The following PCDHGB2 variants were observed in gnomAD, a reference collection of about 807,000 sequenced individuals.
PCDHGB2 encodes protocadherin gamma-B2.
In PCDHGB2, 55 loss-of-function variants were observed where a neutral mutation model predicts 59.3. The ratio of observed to expected loss-of-function variants is 0.93; its 90% confidence interval spans 0.75 to 1.16. The LOEUF is 1.16. Among genes scored for constraint, PCDHGB2 ranks in the 50% most tolerant of loss-of-function variants. The pLI, the probability that PCDHGB2 is intolerant of heterozygous loss-of-function variation, is 0.00. For missense variants in PCDHGB2, 1,228 were observed against 1,198.5 expected (o/e 1.02, Z -0.36); for synonymous variants, 516 against 512.0 (o/e 1.01, Z -0.11).
intron 1 of PCDHGB2, among the ~76,000 whole-genome samples, chr5:141,425,605 A>G (rs1229246680): frequency 6.6e-6 from 1 of 152,230 alleles, no homozygotes; most frequent in Non-Finnish European, 1.5e-5. Context: ...TGCCCTATAT[A>G]GCTTTCAGTG....
intron 1 of PCDHGB2, chr5:141,402,997 G>C: frequency 3.7e-6 from 6 of 1,613,928 alleles, no homozygotes; most frequent in Non-Finnish European, 5.1e-6. Context: ...GATTAGTCCT[G>C]CTATGCTCGC....
rs371823901 is a variant in PCDHGB2 at position 141,384,767 on chromosome 5, C to T, written c.2421+22211C>T. 6.8e-6 allele frequency: 11 copies of T among 1,613,806 alleles called. No individual in the cohort carries two copies. The African/African-American group carries it at 9.3e-5, about 14-fold the overall frequency. The stretch of plus-strand genomic sequence containing the variant: ...GGACTCTTTGCGGTTGGGCTGTACA[C>T]GGGCGAGGTGCGCACGGCTCGGGCC... On this transcript the variant is annotated intron_variant, in intron 1 of 3. Coordinates refer to ENST00000522605, the MANE Select transcript of PCDHGB2 (RefSeq NM_018923.3).
intron 1 of PCDHGB2, chr5:141,399,936 C>A (rs1370105984): frequency 6.2e-7 from 1 of 1,612,268 alleles, no homozygotes; most frequent in African/African-American, 1.3e-5. Flanking sequence ...TGTCCTACCA[C>A]GTGCTGCAGG....
chr5:141,404,300 C>T (rs749132060), intron 1 of PCDHGB2: 3 of 1,613,862 alleles, frequency 1.9e-6, no homozygotes, highest in South Asian at 2.2e-5. Flanking sequence ...TGATAATCCA[C>T]CTGCTTTCTC....
At chr5:141,384,694 G>A (rs772190655) in intron 1 of PCDHGB2, 1 of 1,614,084 alleles carries the variant, frequency 6.2e-7, no homozygotes, top group Non-Finnish European at 8.5e-7. Context: ...CAAAGATTCA[G>A]GCCAGAACGC....
chr5:141,376,302 T>G, intron 1 of PCDHGB2: 2 of 1,614,166 alleles, frequency 1.2e-6, no homozygotes, highest in Non-Finnish European at 1.7e-6. Context: ...GGCTCGCACT[T>G]TGTGGGCGTG....
chr5:141,365,093 A>G (rs528661266), intron 1 of PCDHGB2: 1 of 1,613,880 alleles, frequency 6.2e-7, no homozygotes, highest in African/African-American at 1.3e-5. Context: ...TCCAGAGAAC[A>G]TACCTGTGGG....
intron 1 of PCDHGB2, among the ~76,000 whole-genome samples, chr5:141,455,253 C>T (rs187877877): frequency 6.6e-6 from 1 of 151,986 alleles, no homozygotes; most frequent in East Asian, 1.9e-4. Flanking sequence ...ATAGTACAAT[C>T]GCATTTCTTC....
At chr5:141,374,887 C>T (rs1248527882) in intron 1 of PCDHGB2, 1 of 1,613,670 alleles carries the variant, frequency 6.2e-7, no homozygotes. Flanking sequence ...CTGCCACCGA[C>T]CAGGATGAAG....
Position 141,375,767 on chromosome 5 carries a change from A to T in PCDHGB2, c.2421+13211A>T, listed in dbSNP as rs190439419. ...GGACCAGAATGACAATGCGCCCGAGATCCTGTACCCCGCCCTCCCCACAGA... is the reference window on the plus strand; with the variant it reads ...GGACCAGAATGACAATGCGCCCGAGTTCCTGTACCCCGCCCTCCCCACAGA... On this transcript the variant is annotated intron_variant, in intron 1 of 3. Transcript: ENST00000522605. 3.1e-4 allele frequency: 496 copies of T among 1,614,182 alleles called. 1 individual carries two copies. The highest frequency in any genetic ancestry group is 3.8e-4 in the Non-Finnish European group (444 of 1,180,008).
Position 141,361,939 on chromosome 5 carries a change from G to A in PCDHGB2, c.1804G>A (p.Ala602Thr). The A allele has an allele frequency of 1.2e-6, 2 of 1,605,654 alleles. No individual in the cohort carries two copies. The highest frequency in any genetic ancestry group is 2.7e-5 in the African/African-American group (2 of 74,896). The change falls in exon 1 of 4, where the codon GCT becomes ACT. Residue 602 changes from alanine (A) to threonine (T), a missense_variant. Around this residue, in one of 3 missense-constraint regions of PCDHGB2, gnomAD observed 433 missense variants for 441.8 expected, o/e 0.98. Coordinates refer to ENST00000522605, the MANE Select transcript of PCDHGB2 (RefSeq NM_018923.3). ...VAVDADSGHNAWLSYHVLQAS... is the reference protein window; with the variant it reads ...VAVDADSGHNTWLSYHVLQAS... ...GGTGGACGCAGACTCAGGACACAAC[G>A]CTTGGCTGTCCTACCACGTGCTGCA...
chr5:141,453,931 G>T (rs61228273), intron 1 of PCDHGB2, among the ~76,000 whole-genome samples: 2 of 152,306 alleles, frequency 1.3e-5, no homozygotes, highest in African/African-American at 4.8e-5. Flanking sequence ...GTCACTGTGT[G>T]CCTATAATTT....
Position 141,476,512 on chromosome 5 carries a change from T to C in PCDHGB2, c.2422-18295T>C, listed in dbSNP as rs1171240377. ...TGATCCAGGACATCAACGACAACAA[T>C]CCTGCTTTCCCTACCCAGGAAATGA... On this transcript the variant is annotated intron_variant, in intron 1 of 3. Transcript: ENST00000522605. This position sits in a 1 kb window ranked among gnomAD's most constrained non-coding sequence, Gnocchi z 7.6. The C allele has an allele frequency of 6.2e-7, 1 of 1,613,642 alleles. No homozygotes were observed. Among genetic ancestry groups the C allele is most frequent in the Non-Finnish European group, 8.5e-7 (1 of 1,179,940 alleles).
chr5:141,489,447 G>A lies in PCDHGB2; in HGVS notation c.2422-5360G>A. The A allele has an allele frequency of 5.6e-6, 9 of 1,614,134 alleles. No homozygotes were observed. The highest frequency in any genetic ancestry group is 7.6e-6 in the Non-Finnish European group (9 of 1,180,028). ...GCCGGCGGCTGCAATTGGGCTCTGA[G>A]GAGAATGGGCGCTATTTTTCCCTGA... On this transcript the variant is annotated intron_variant, in intron 1 of 3. Coordinates refer to ENST00000522605, the MANE Select transcript of PCDHGB2 (RefSeq NM_018923.3). This position sits in a 1 kb window ranked among gnomAD's most constrained non-coding sequence, Gnocchi z 4.5.
In PCDHGB2 at chr5:141,360,107, A is replaced by G. The variant is rs768068572; in HGVS notation, c.-29A>G. The G allele has an allele frequency of 7.1e-6, 11 of 1,553,506 alleles. No homozygotes were observed. Among genetic ancestry groups the G allele is most frequent in the Non-Finnish European group, 9.6e-6 (11 of 1,149,394 alleles). ...CATCCCCGGAAGGCTTATTCCTCCT[A>G]TGGGCAAAGGAGCAAAGGGAGCCAG... On this transcript the variant is annotated 5_prime_UTR_variant, in exon 1 of 4. An upstream start codon of the reference 5' UTR is lost. Transcript: ENST00000522605.
Position 141,360,869 on chromosome 5 carries a change from A to G in PCDHGB2, c.734A>G (p.Asp245Gly). ...ANDNPPVFSQ[D>G]VYRVTLREDV... ...GATAACCCTCCAGTGTTCAGCCAGGACGTGTACAGGGTCACCCTGAGGGAG... is the reference window on the plus strand; with the variant it reads ...GATAACCCTCCAGTGTTCAGCCAGGGCGTGTACAGGGTCACCCTGAGGGAG... The change falls in exon 1 of 4, where the codon GAC becomes GGC. Residue 245 changes from aspartate (D) to glycine (G), a missense_variant. Around this residue, in one of 3 missense-constraint regions of PCDHGB2, gnomAD observed 781 missense variants for 721.6 expected, o/e 1.08. Coordinates refer to ENST00000522605, the MANE Select transcript of PCDHGB2 (RefSeq NM_018923.3). 1 of 1,614,016 alleles carries G rather than the reference A, an allele frequency of 6.2e-7. No homozygotes were observed. Among genetic ancestry groups the G allele is most frequent in the Non-Finnish European group, 8.5e-7 (1 of 1,179,892 alleles).
At chr5:141,371,373 C>T in intron 1 of PCDHGB2, 1 of 1,613,972 alleles carries the variant, frequency 6.2e-7, no homozygotes, top group Non-Finnish European at 8.5e-7. Context: ...TGGTGGACAT[C>T]ACACTGCATA....
In PCDHGB2 at chr5:141,490,670, C is replaced by A. The variant is rs1003577285; in HGVS notation, c.2422-4137C>A. ...CCGGGCTCCCTTCTTTGCACTGTGG[C>A]TGCCTCAGATCCAGACACTGGGGAT... On this transcript the variant is annotated intron_variant, in intron 1 of 3. Coordinates refer to ENST00000522605, the MANE Select transcript of PCDHGB2 (RefSeq NM_018923.3). This position sits in a 1 kb window ranked among gnomAD's most constrained non-coding sequence, Gnocchi z 5.4. 4 of 1,614,194 alleles carry A rather than the reference C, an allele frequency of 2.5e-6. No homozygotes were observed. The highest frequency in any genetic ancestry group is 3.4e-6 in the Non-Finnish European group (4 of 1,179,986).
chr5:141,389,248 A>G (rs757462176), intron 1 of PCDHGB2: 45 of 1,613,918 alleles, frequency 2.8e-5, no homozygotes, highest in African/African-American at 6.7e-5. Flanking sequence ...CAGTCTTCCT[A>G]TATAGTCCAC....
Sources: allele counts gnomAD v4.1 joint callset (sites outside exome capture counted in the v4.1 genomes callset), GRCh38; gene constraint gnomAD v4.1.1; regional missense constraint gnomAD v4.1.1; non-coding constraint Gnocchi (gnomAD v3.1); transcripts MANE v1.5; gene names NCBI Gene and HGNC (gene_info 2026-07-23, HGNC 2026-07-21).